Variants in LINGO2 observed in about 807,000 individuals in gnomAD.
LINGO2 encodes the protein leucine rich repeat and Ig domain containing 2, also known as leucine-rich repeat and immunoglobulin-like domain-containing nogo receptor-interacting protein 2.
Under a neutral mutation model 30.6 loss-of-function variants are expected in LINGO2, and 14 were observed. The observed-to-expected ratio is 0.46, with a 90% confidence interval of 0.30 to 0.72. The LOEUF (loss-of-function observed/expected upper bound fraction) is 0.72. Among genes scored for constraint, LINGO2 ranks in the 30% least tolerant of loss-of-function variants. The pLI, the probability that LINGO2 is intolerant of heterozygous loss-of-function variation, is 0.07. For synonymous variants in LINGO2, 317 were observed against 288.5 expected (o/e 1.10, Z -1.00); for missense variants, 729 against 751.7 (o/e 0.97, Z 0.35).
the LINGO2 span, among the ~76,000 whole-genome samples, chr9:28,730,763 T>C: frequency 6.6e-6 from 1 of 152,090 alleles, no homozygotes. Context: ...AAACTCAAGC[T>C]AAAAGCACAA....
At chr9:28,439,424 T>C (rs35914941) in intron 2 of LINGO2, among the ~76,000 whole-genome samples, 49,673 of 151,956 alleles carry the variant, frequency 0.33, 9,741 homozygotes, top group Middle Eastern at 0.44. Context: ...GGGTTTGGTA[T>C]GGCCATGTGA....
the LINGO2 span, among the ~76,000 whole-genome samples, chr9:28,988,498 C>T: frequency 6.6e-6 from 1 of 151,610 alleles, no homozygotes; most frequent in Non-Finnish European, 1.5e-5. Flanking sequence ...CACTCTATGT[C>T]TTTTATTGGT....
intron 4 of LINGO2, among the ~76,000 whole-genome samples, chr9:28,142,275 A>G (rs1827695401): frequency 6.6e-6 from 1 of 151,952 alleles, no homozygotes; most frequent in Admixed American, 6.5e-5. Context: ...AGAGAAAAGC[A>G]ATAAAACCAA....
At chr9:29,116,880 T>C in the LINGO2 span, among the ~76,000 whole-genome samples, 2 of 152,162 alleles carry the variant, frequency 1.3e-5, no homozygotes, top group South Asian at 4.1e-4. Context: ...TAATCAATCC[T>C]ACTGAATATT....
At chr9:28,841,617 TG>T in the LINGO2 span, among the ~76,000 whole-genome samples, 1 of 151,054 alleles carries the variant, frequency 6.6e-6, no homozygotes, top group East Asian at 1.9e-4. Context: ...ACAACGGCAA[TG>T]AAAAAAAATA....
chr9:28,982,395 T>G, the LINGO2 span, among the ~76,000 whole-genome samples: 1 of 151,904 alleles, frequency 6.6e-6, no homozygotes, highest in Non-Finnish European at 1.5e-5. Context: ...CAGTAAAAGT[T>G]TTGCATTATG....
At chr9:28,863,700 C>G in the LINGO2 span, 1 of 527,604 alleles carries the variant, frequency 1.9e-6, no homozygotes, top group Non-Finnish European at 3.9e-6. Flanking sequence ...AAATCCACAG[C>G]ACTTCACAGT....
At chr9:29,087,981 T>G in the LINGO2 span, among the ~76,000 whole-genome samples, 4 of 152,186 alleles carry the variant, frequency 2.6e-5, no homozygotes, top group African/African-American at 9.7e-5. Flanking sequence ...GAGTACTCAA[T>G]GAATAAAAGA....
At chr9:28,496,550 G>C (rs1819636999) in intron 1 of LINGO2, among the ~76,000 whole-genome samples, 1 of 151,602 alleles carries the variant, frequency 6.6e-6, no homozygotes, top group African/African-American at 2.4e-5. Context: ...GCCTATGTGT[G>C]TCTCTGCATG....
chr9:28,639,311 A>G (rs938411156), intron 1 of LINGO2, among the ~76,000 whole-genome samples: 7 of 152,222 alleles, frequency 4.6e-5, no homozygotes, highest in African/African-American at 1.7e-4. Context: ...TTTGGGGTGG[A>G]GAGTTCTGTA....
At chr9:28,187,606 A>T (rs1587170361) in intron 4 of LINGO2, among the ~76,000 whole-genome samples, 1 of 152,264 alleles carries the variant, frequency 6.6e-6, no homozygotes, top group African/African-American at 2.4e-5. Flanking sequence ...GAGAAAATTA[A>T]TCAGTAAAGA....
the LINGO2 span, among the ~76,000 whole-genome samples, chr9:28,761,315 G>A: frequency 2.0e-5 from 3 of 151,968 alleles, no homozygotes; most frequent in Non-Finnish European, 4.4e-5. Flanking sequence ...ACCCAATACA[G>A]ATAACAATCA....
chr9:28,464,116 C>G (rs1194523586), intron 2 of LINGO2, among the ~76,000 whole-genome samples: 11 of 152,066 alleles, frequency 7.2e-5, no homozygotes, highest in African/African-American at 2.7e-4. Flanking sequence ...TTCTTGTAGT[C>G]TATGGTATGA....
the LINGO2 span, among the ~76,000 whole-genome samples, chr9:28,706,106 G>A: frequency 3.3e-5 from 5 of 152,008 alleles, no homozygotes; most frequent in South Asian, 2.1e-4. Flanking sequence ...ATAACCTCAC[G>A]CTAGGAAGCA....
chr9:29,201,327 C>T, the LINGO2 span, among the ~76,000 whole-genome samples: 1 of 151,988 alleles, frequency 6.6e-6, no homozygotes, highest in African/African-American at 2.4e-5. Context: ...TTCATAACAG[C>T]CTTATAGAGA....
chr9:27,992,044 C>T (rs759155772), intron 5 of LINGO2, among the ~76,000 whole-genome samples: 2 of 151,956 alleles, frequency 1.3e-5, no homozygotes, highest in Middle Eastern at 3.2e-3. Context: ...TCTGGGTATT[C>T]GGACGCATTT....
intron 1 of LINGO2, among the ~76,000 whole-genome samples, chr9:28,652,229 A>T (rs1191941376): frequency 1.3e-5 from 2 of 152,166 alleles, no homozygotes; most frequent in African/African-American, 2.4e-5. Context: ...TATTTAAGAC[A>T]TAGGGTTTAA....
the LINGO2 span, among the ~76,000 whole-genome samples, chr9:28,719,527 G>A: frequency 3.3e-5 from 5 of 151,976 alleles, no homozygotes; most frequent in Non-Finnish European, 5.9e-5. Context: ...ACTTCTATAA[G>A]GCATTTGGCC....
intron 3 of LINGO2, among the ~76,000 whole-genome samples, chr9:28,325,630 T>A (rs1303032448): frequency 1.3e-5 from 2 of 152,156 alleles, no homozygotes; most frequent in Non-Finnish European, 2.9e-5. Flanking sequence ...TTCACTTGGT[T>A]CTCATTCTGT....
Sources: allele counts gnomAD v4.1 joint callset (sites outside exome capture counted in the v4.1 genomes callset), GRCh38; gene constraint gnomAD v4.1.1; transcripts MANE v1.5; gene names NCBI Gene and HGNC (gene_info 2026-07-23, HGNC 2026-07-21).